The following GRM7 variants were observed in gnomAD, a reference collection of about 807,000 sequenced individuals.
GRM7 encodes the protein glutamate metabotropic receptor 7, also known as metabotropic glutamate receptor 7.
GRM7 carries 35 observed loss-of-function variants against 84.5 expected under a neutral mutation model. The observed-to-expected ratio is 0.41, with a 90% CI of 0.32 to 0.55. GRM7 has a LOEUF of 0.55. GRM7 is among the 20% of genes least tolerant of loss of function. The probability of loss-of-function intolerance (pLI) is 0.19; values close to 1 mark genes in which losing one functional copy is unlikely to be tolerated. For synonymous variants in GRM7, 487 were observed against 455.1 expected, an observed-to-expected ratio of 1.07 and a Z score of -0.89; for missense variants, 1,003 against 1,194.6, an observed-to-expected ratio of 0.84 and a Z score of 2.36.
chr3:7,028,819 TACAA>T (rs1288199266), intron 1 of GRM7, among the ~76,000 whole-genome samples: 2 of 152,198 alleles, frequency 1.3e-5, no homozygotes, highest in Non-Finnish European at 2.9e-5. Flanking sequence ...TTTACATTGA[TACAA>T]ACAAATTAAG....
intron 1 of GRM7, among the ~76,000 whole-genome samples, chr3:7,006,712 A>T (rs2324047): frequency 6.6e-6 from 1 of 152,250 alleles, no homozygotes; most frequent in Non-Finnish European, 1.5e-5. Context: ...AAATGAATTC[A>T]TAAAAATAAA....
intron 7 of GRM7, among the ~76,000 whole-genome samples, chr3:7,465,098 C>A (rs7633170): frequency 2.0e-5 from 3 of 152,098 alleles, no homozygotes; most frequent in African/African-American, 4.8e-5. Flanking sequence ...CATATACTTT[C>A]GATTTTTGTT....
intron 1 of GRM7, among the ~76,000 whole-genome samples, chr3:7,108,377 C>T (rs927368787): frequency 2.6e-5 from 4 of 151,914 alleles, no homozygotes; most frequent in Non-Finnish European, 5.9e-5. Context: ...GGAATGGTAC[C>T]GATTTGTTAT....
intron 1 of GRM7, among the ~76,000 whole-genome samples, chr3:7,064,576 T>C (rs1391674686): frequency 1.4e-5 from 2 of 146,696 alleles, no homozygotes; most frequent in Non-Finnish European, 3.0e-5. Context: ...TATATCACAG[T>C]TTCTTTATCC....
chr3:7,712,838 C>T (rs79736400), intron 9 of GRM7, among the ~76,000 whole-genome samples: 3,555 of 152,218 alleles, frequency 0.023, 140 homozygotes, highest in African/African-American at 0.081. Flanking sequence ...CCTCTGAAGC[C>T]TGTAGTAGAG....
intron 8 of GRM7, among the ~76,000 whole-genome samples, chr3:7,644,120 T>TTGTTGTA (rs55748562): frequency 8.3e-6 from 1 of 119,916 alleles, no homozygotes; most frequent in Admixed American, 8.2e-5. Context: ...ACTGTGCATG[T>TTGTTGTA]TGTGTGTGTG....
chr3:7,098,202 A>G (rs1269505786), intron 1 of GRM7, among the ~76,000 whole-genome samples: 1 of 152,096 alleles, frequency 6.6e-6, no homozygotes, highest in Non-Finnish European at 1.5e-5. Context: ...ATGATCGGCC[A>G]GGAAATATAA....
intron 2 of GRM7, among the ~76,000 whole-genome samples, chr3:7,190,227 G>A (rs193096465): frequency 4.6e-5 from 7 of 152,176 alleles, no homozygotes; most frequent in East Asian, 3.9e-4. Context: ...TTTAGTATGC[G>A]CAGTTTCAGA....
chr3:7,188,617 C>A lies in GRM7; in HGVS notation c.736+41949C>A, dbSNP rs977814536. On this transcript the variant is annotated intron_variant, in intron 2 of 9. Transcript: ENST00000357716. This position sits in a 1 kb window ranked among gnomAD's most constrained non-coding sequence, Gnocchi z 4.2. ...GAGAAAAGATATTGGAATAAAGGAT[C>A]TACTTGAGTGTATAAGGGTTGGGGA... is the stretch of plus-strand genomic sequence containing the variant. 6.6e-5 allele frequency among the ~76,000 whole-genome samples: 10 copies of A among 152,114 alleles called. No individual in the cohort carries two copies. The highest frequency in any genetic ancestry group is 5.2e-4 in the Admixed American group (8 of 15,252).
At chr3:7,603,119 G>A (rs1696400585) in intron 8 of GRM7, among the ~76,000 whole-genome samples, 1 of 152,130 alleles carries the variant, frequency 6.6e-6, no homozygotes, top group Non-Finnish European at 1.5e-5. Flanking sequence ...CACCACCATT[G>A]AATATTGCAC....
At chr3:7,477,495 T>C (rs1241338596) in intron 7 of GRM7, among the ~76,000 whole-genome samples, 2 of 152,166 alleles carry the variant, frequency 1.3e-5, no homozygotes, top group Non-Finnish European at 2.9e-5. Flanking sequence ...AAGATAATTA[T>C]TTTCAAAAAG....
intron 4 of GRM7, among the ~76,000 whole-genome samples, chr3:7,410,605 A>ACACG (rs1695889027): frequency 1.4e-5 from 2 of 138,912 alleles, no homozygotes. Flanking sequence ...ATATACACAC[A>ACACG]CACACACACA....
chr3:7,034,567 T>C (rs1474837841), intron 1 of GRM7, among the ~76,000 whole-genome samples: 1 of 152,250 alleles, frequency 6.6e-6, no homozygotes, highest in African/African-American at 2.4e-5. Flanking sequence ...ACATGTGAAC[T>C]TCATTATTAC....
intron 5 of GRM7, among the ~76,000 whole-genome samples, chr3:7,435,916 A>G (rs1697037555): frequency 7.8e-6 from 1 of 128,684 alleles, no homozygotes. Context: ...GTTAGCCAGG[A>G]TGGTCTCCAT....
chr3:7,135,176 AC>A (rs1693731853), intron 1 of GRM7, among the ~76,000 whole-genome samples: 3 of 152,334 alleles, frequency 2.0e-5, no homozygotes, highest in East Asian at 1.9e-4. Flanking sequence ...AAATTAAATT[AC>A]CCCCAAATTA....
intron 7 of GRM7, among the ~76,000 whole-genome samples, chr3:7,566,103 GTTTTTTTTT>G (rs58178956): frequency 7.7e-6 from 1 of 130,024 alleles, no homozygotes; most frequent in South Asian, 2.6e-4. Context: ...TGAATCAGCT[GTTTTTTTTT>G]TTTTTTTTTT....
intron 5 of GRM7, among the ~76,000 whole-genome samples, chr3:7,444,724 T>G (rs368740490): frequency 6.6e-6 from 1 of 152,146 alleles, no homozygotes; most frequent in Admixed American, 6.5e-5. Flanking sequence ...CCAACACACA[T>G]TTATTCACTG....
chr3:7,209,963 G>A (rs77167625), intron 2 of GRM7, among the ~76,000 whole-genome samples: 2,456 of 152,268 alleles, frequency 0.016, 63 homozygotes, highest in African/African-American at 0.056. Context: ...GACCCAAGCC[G>A]TAAAACATTT....
intron 8 of GRM7, among the ~76,000 whole-genome samples, chr3:7,661,726 A>G (rs1390173175): frequency 1.5e-5 from 2 of 136,526 alleles, no homozygotes; most frequent in African/African-American, 2.6e-5. Flanking sequence ...CTCGGGAGGC[A>G]GAGCTGGCAG....
Sources: allele counts gnomAD v4.1 joint callset (sites outside exome capture counted in the v4.1 genomes callset), GRCh38; gene constraint gnomAD v4.1.1; non-coding constraint Gnocchi (gnomAD v3.1); transcripts MANE v1.5; gene names NCBI Gene and HGNC (gene_info 2026-07-23, HGNC 2026-07-21).